NT5DC3: variants seen among roughly 807,000 people sequenced by gnomAD.
NT5DC3 encodes the protein 5'-nucleotidase domain containing 3, also known as 5'-nucleotidase domain-containing protein 3.
Under a neutral mutation model 67.8 loss-of-function variants are expected in NT5DC3, and 42 were observed. That is an observed-to-expected ratio of 0.62 (90% CI 0.48 to 0.80). The LOEUF (loss-of-function observed/expected upper bound fraction) is 0.80. Ranked by LOEUF, NT5DC3 falls within the 30% of genes least tolerant of loss-of-function variation. The pLI, the probability that NT5DC3 is intolerant of heterozygous loss-of-function variation, is 0.00. For synonymous variants in NT5DC3, 237 were observed against 255.6 expected, an observed-to-expected ratio of 0.93 and a Z score of 0.69; for missense variants, 570 against 696.4, an observed-to-expected ratio of 0.82 and a Z score of 2.04.
chr12:103,787,242 A>G (rs1885825520), intron 11 of NT5DC3, among the ~76,000 whole-genome samples, 199 bp downstream of exon 11: 1 of 149,464 alleles, frequency 6.7e-6, no homozygotes, highest in African/African-American at 2.4e-5. Flanking sequence ...CACAACTCTG[A>G]TCCATCCTGT....
Position 103,826,408 on chromosome 12 carries a change from T to A in NT5DC3, c.209-11287A>T, listed in dbSNP as rs143653589. The stretch of plus-strand genomic sequence containing the variant: ...GGTGGACCCAATGTAATCACAAGGG[T>A]CCTTAAGTGTGGAAAAGGAGGGCAG... On this transcript the variant is annotated intron_variant, in intron 1 of 13. Coordinates refer to ENST00000392876, the MANE Select transcript of NT5DC3 (RefSeq NM_001031701.3). Among the ~76,000 whole-genome samples the A allele has an allele frequency of 2.6e-5, 4 of 152,318 alleles. No homozygotes were observed. In the East Asian group the frequency reaches 7.7e-4, roughly 29 times the overall value.
At chr12:103,779,144 G>T (rs914665338) in intron 13 of NT5DC3, among the ~76,000 whole-genome samples, 9 of 152,200 alleles carry the variant, frequency 5.9e-5, no homozygotes, top group African/African-American at 1.9e-4. Context: ...ATTGTTTTAT[G>T]TGATGTAAAT....
At chr12:103,822,154 T>C (rs577241016) in intron 1 of NT5DC3, 11 of 151,596 alleles carry the variant, frequency 7.3e-5, no homozygotes, top group Admixed American at 2.6e-4. Context: ...ATTTATTTCA[T>C]CTCTGAATAA....
At chr12:103,752,521 G>A in the NT5DC3 span, among the ~76,000 whole-genome samples, 1 of 152,182 alleles carries the variant, frequency 6.6e-6, no homozygotes, top group South Asian at 2.1e-4. Flanking sequence ...GTTAGGAAAG[G>A]TATCAGCTAT....
At chr12:103,813,086 T>A (rs2139414774) in intron 2 of NT5DC3, among the ~76,000 whole-genome samples, 1 of 152,358 alleles carries the variant, frequency 6.6e-6, no homozygotes, top group South Asian at 2.1e-4. Context: ...GGACAATCAA[T>A]GAACACTGCC....
chr12:103,765,086 C>CCCAA, the NT5DC3 span, among the ~76,000 whole-genome samples: 1 of 66,546 alleles, frequency 1.5e-5, no homozygotes, highest in Non-Finnish European at 2.8e-5. Context: ...GACTCTGTCT[C>CCCAA]AAAAAAAAAA....
intron 1 of NT5DC3, among the ~76,000 whole-genome samples, chr12:103,822,807 C>T (rs143937248): frequency 4.1e-4 from 62 of 152,274 alleles, no homozygotes; most frequent in African/African-American, 1.4e-3. Context: ...CCCTTTGACC[C>T]AGTAATTCCC....
chr12:103,760,158 G>A, the NT5DC3 span, among the ~76,000 whole-genome samples: 1 of 152,196 alleles, frequency 6.6e-6, no homozygotes, highest in African/African-American at 2.4e-5. Flanking sequence ...TGTATTACCT[G>A]CTTTTAGGGA....
At chr12:103,769,955 A>G (rs1385278291), downstream of NT5DC3, among the ~76,000 whole-genome samples, 1 of 152,210 alleles carries the variant, frequency 6.6e-6, no homozygotes, top group Non-Finnish European at 1.5e-5. Context: ...AATGCGAAGG[A>G]TTGGGGCAGG....
At chr12:103,761,647 G>A in the NT5DC3 span, among the ~76,000 whole-genome samples, 1 of 152,142 alleles carries the variant, frequency 6.6e-6, no homozygotes, top group African/African-American at 2.4e-5. Flanking sequence ...TTGAATGAAA[G>A]GGGGAGGATG....
the NT5DC3 span, among the ~76,000 whole-genome samples, chr12:103,748,589 CACACACACACACACAT>C: frequency 4.4e-3 from 204 of 46,500 alleles, 1 homozygote; most frequent in East Asian, 0.12. Context: ...CTACACCACA[CACACACACACACACAT>C]ACACACACAC....
intron 2 of NT5DC3, among the ~76,000 whole-genome samples, chr12:103,812,192 C>G (rs753324425): frequency 1.8e-4 from 28 of 152,120 alleles, no homozygotes; most frequent in Non-Finnish European, 3.2e-4. Flanking sequence ...TGGAGAGATA[C>G]TAAATTGCAA....
At position 103,783,242 on chromosome 12, in the gene NT5DC3, G is replaced by C. The variant is rs190938139; in HGVS notation, c.1329+2093C>G. On this transcript the variant is annotated intron_variant, in intron 12 of 13. Transcript: ENST00000392876. ...ACTGATTTGGATGTTTTTTTAGTTA[G>C]CAGCTATACACCTCTATATCCTAGT... Among the ~76,000 whole-genome samples the C allele has an allele frequency of 1.7e-4, 26 of 152,282 alleles. 1 individual carries two copies. The East Asian group carries it at 4.4e-3, about 26-fold the overall frequency.
At chr12:103,791,496 C>T (rs1210994746) in intron 9 of NT5DC3, among the ~76,000 whole-genome samples, 1 of 152,158 alleles carries the variant, frequency 6.6e-6, no homozygotes, top group Non-Finnish European at 1.5e-5. Context: ...TTTTATGATA[C>T]TCCCCAAGAC....
intron 4 of NT5DC3, among the ~76,000 whole-genome samples, chr12:103,803,652 CCA>C (rs760245351): frequency 1.3e-5 from 2 of 151,992 alleles, no homozygotes; most frequent in Non-Finnish European, 2.9e-5. Flanking sequence ...CCAGTAGATC[CCA>C]GAGTCTATTG....
chr12:103,803,467 G>A (rs1329706508), intron 4 of NT5DC3, among the ~76,000 whole-genome samples: 1 of 152,084 alleles, frequency 6.6e-6, no homozygotes, highest in Non-Finnish European at 1.5e-5. Context: ...CAAAATACAT[G>A]AAAAGTTTTT....
At chr12:103,758,561 G>A in the NT5DC3 span, among the ~76,000 whole-genome samples, 2 of 152,206 alleles carry the variant, frequency 1.3e-5, no homozygotes, top group Non-Finnish European at 2.9e-5. Context: ...CAATGGCAGG[G>A]AGTGAGAGAG....
In NT5DC3 at chr12:103,777,639, G is replaced by GA; in HGVS notation, c.*189dup. On this transcript the variant is annotated 3_prime_UTR_variant, in exon 14 of 14. Transcript: ENST00000392876. Reference sequence around the variant, plus strand: ...CTTGCCTTTCAGCCCTGCATGGGGGGAAAGGCTGGAGGGGTGGGCTGCTAG... The same window carrying GA: ...CTTGCCTTTCAGCCCTGCATGGGGGGAAAAGGCTGGAGGGGTGGGCTGCTAG... The GA allele has an allele frequency of 1.6e-6, 1 of 643,522 alleles. No individual in the cohort carries two copies. Among genetic ancestry groups the GA allele is most frequent in the Admixed American group, 3.3e-5 (1 of 30,506 alleles). The allele number at this position is 643,522 out of a possible 1,614,324, so 39.9% of individuals were successfully genotyped here.
At chr12:103,769,173 G>A (rs1885128920), downstream of NT5DC3, among the ~76,000 whole-genome samples, 1 of 152,128 alleles carries the variant, frequency 6.6e-6, no homozygotes, top group South Asian at 2.1e-4. Flanking sequence ...CACTGGCACA[G>A]GCAAAGGGGA....
Sources: allele counts gnomAD v4.1 joint callset (sites outside exome capture counted in the v4.1 genomes callset), GRCh38; gene constraint gnomAD v4.1.1; transcripts MANE v1.5; gene names NCBI Gene and HGNC (gene_info 2026-07-23, HGNC 2026-07-21).